The following SLC43A1 variants were observed in gnomAD, a reference collection of about 807,000 sequenced individuals.
SLC43A1 encodes large neutral amino acids transporter small subunit 3.
SLC43A1 carries 31 observed loss-of-function variants against 59.5 expected under a neutral mutation model. The observed-to-expected ratio is 0.52, with a 90% CI of 0.39 to 0.70. The LOEUF (loss-of-function observed/expected upper bound fraction) is 0.70. SLC43A1 is among the 30% of genes least tolerant of loss of function. SLC43A1 has a pLI of 0.00. For synonymous variants in SLC43A1, 259 were observed against 290.9 expected, an observed-to-expected ratio of 0.89 and a Z score of 1.12; for missense variants, 598 against 717.8, an observed-to-expected ratio of 0.83 and a Z score of 1.91.
At position 57,487,100 on chromosome 11, in the gene SLC43A1, A is replaced by C; in HGVS notation, c.1528T>G (p.Phe510Val). 1.2e-6 allele frequency: 2 copies of C among 1,613,940 alleles called. No individual in the cohort carries two copies. The highest frequency in any genetic ancestry group is 1.7e-6 in the Non-Finnish European group (2 of 1,179,980). Residue 510 changes from phenylalanine to valine, a missense_variant, in exon 14 of 15, where the codon TTC becomes GTC. Transcript: ENST00000278426. ...AMVGPLKGEP[F>V]WVNLGLLLFS... ...ACACCAACCCTCGCTCTCACCCAGA[A>C]GGGCTCTCCTTTCAGGGGTCCCACC...
chr11:57,487,867 A>T (rs1405045776), intron 13 of SLC43A1, among the ~76,000 whole-genome samples: 2 of 152,096 alleles, frequency 1.3e-5, no homozygotes, highest in African/African-American at 4.8e-5. Context: ...AGAAACAGGG[A>T]CTAGTACATG....
Position 57,487,180 on chromosome 11 carries a change from T to C in SLC43A1, c.1448A>G (p.Gln483Arg). The part of the protein sequence containing the change: ...SNHFGTLTGL[Q>R]SLISAVFALL... ...GGCGAACACAGCACTGATGAGGGAC[T>C]GCAGGCCTGTCAGCGTCCCAAAGTG... Residue 483 changes from glutamine (Q) to arginine (R), a missense_variant, in exon 14 of 15, where the codon CAG (glutamine) becomes CGG (arginine). Coordinates refer to ENST00000278426, the MANE Select transcript of SLC43A1 (RefSeq NM_003627.6). 6.2e-7 allele frequency: 1 copy of C among 1,614,002 alleles called. No homozygotes were observed. The highest frequency in any genetic ancestry group is 8.5e-7 in the Non-Finnish European group (1 of 1,179,910).
At chr11:57,506,640 A>T (rs1451802495) in intron 2 of SLC43A1, among the ~76,000 whole-genome samples, 1 of 152,180 alleles carries the variant, frequency 6.6e-6, no homozygotes, top group Non-Finnish European at 1.5e-5. Flanking sequence ...GGACATCCAC[A>T]CTATTCCCAT....
In SLC43A1 at chr11:57,485,319, G is replaced by A. The variant is rs1376919358; in HGVS notation, c.1534-77C>T. On this transcript the variant is annotated intron_variant, in intron 14 of 14. Transcript: ENST00000278426. ...AGCCTCCCACAGGGAGGAGAAGGCGGCCATTTTTCTCCAGGTCCTGAGCCA... is the reference window on the plus strand; with the variant it reads ...AGCCTCCCACAGGGAGGAGAAGGCGACCATTTTTCTCCAGGTCCTGAGCCA... 1.1e-5 allele frequency: 15 copies of A among 1,422,304 alleles called. No homozygotes were observed. In the Middle Eastern group the frequency reaches 5.5e-4, roughly 52 times the overall value. The allele number at this position is 1,422,304 out of a possible 1,614,324, so 88.1% of individuals were successfully genotyped here.
In SLC43A1 at chr11:57,489,376, T is replaced by C; in HGVS notation, c.1210A>G (p.Lys404Glu). Residue 404 changes from lysine to glutamate, a missense_variant, in exon 12 of 15, where the codon AAA becomes GAA. Lys to Glu is a moderately conservative substitution (Grantham distance 56). Transcript: ENST00000278426. ...TTGCAGTAGCGTGGTCTGATGGATT[T>C]GGTAGCAACCCCGTCCCTGAGGAGT... ...LGDARDGVAT[K>E]SIRPRYCKIQ... is the part of the protein sequence containing the mutation. The C allele has an allele frequency of 6.2e-7, 1 of 1,614,190 alleles. No homozygotes were observed. The highest frequency in any genetic ancestry group is 8.5e-7 in the Non-Finnish European group (1 of 1,180,038).
chr11:57,498,457 A>C (rs926237803), intron 5 of SLC43A1, among the ~76,000 whole-genome samples: 2 of 152,102 alleles, frequency 1.3e-5, no homozygotes, highest in African/African-American at 4.8e-5. Context: ...CCAAAAAAAA[A>C]GAAAAGAAAA....
chr11:57,489,304 G>A lies in SLC43A1; in HGVS notation c.1282C>T (p.Leu428=), dbSNP rs1346087498. The A allele has an allele frequency of 6.2e-7, 1 of 1,614,108 alleles. No homozygotes were observed. Residue 428 remains leucine, a synonymous_variant, in exon 12 of 15, where the codon CTG becomes TTG. Coordinates refer to ENST00000278426, the MANE Select transcript of SLC43A1 (RefSeq NM_003627.6). ...NAISAFTLTN[L]LLVGFGITCL... is the part of the protein sequence containing the mutation. ...GTGATGCCAAAACCCACAAGCAGCA[G>A]GTTGGTCAGGGTGAAGGCACTGATG...
chr11:57,514,749 G>T lies in SLC43A1; in HGVS notation c.-13-625C>A. On this transcript the variant is annotated intron_variant, in intron 1 of 14. Transcript: ENST00000278426. This position sits in a 1 kb window ranked among gnomAD's most constrained non-coding sequence, Gnocchi z 5.5. ...GGAGACCCAGGACGGGCTCTCCTCG[G>T]TTCCCTCCTCCCCCGCGCGCCCCTC... 1.1e-6 allele frequency: 1 copy of T among 909,732 alleles called. No homozygotes were observed. Among genetic ancestry groups the T allele is most frequent in the Non-Finnish European group, 1.3e-6 (1 of 760,848 alleles). The allele number at this position is 909,732 out of a possible 1,614,324, so 56.4% of individuals were successfully genotyped here.
At chr11:57,494,771 A>G (rs1944027700) in intron 7 of SLC43A1, among the ~76,000 whole-genome samples, 4 of 151,876 alleles carry the variant, frequency 2.6e-5, no homozygotes, top group Admixed American at 2.6e-4. Context: ...ACCACATGGC[A>G]TCGAGTGCCA....
intron 13 of SLC43A1, among the ~76,000 whole-genome samples, chr11:57,487,912 C>T (rs1452112437): frequency 1.3e-5 from 2 of 152,106 alleles, no homozygotes; most frequent in Non-Finnish European, 1.5e-5. Context: ...CTTGAGACTT[C>T]CGGAGCACTA....
intron 5 of SLC43A1, among the ~76,000 whole-genome samples, chr11:57,499,218 G>A (rs1170937366): frequency 6.6e-6 from 1 of 151,934 alleles, no homozygotes; most frequent in African/African-American, 2.4e-5. Context: ...CAGCTACTCG[G>A]GAGGCTGAGG....
chr11:57,501,475 G>T (rs538770572), intron 2 of SLC43A1, 146 bp from the exon 3 acceptor site: 49 of 741,708 alleles, frequency 6.6e-5, no homozygotes, highest in South Asian at 4.7e-4. Flanking sequence ...CTCTGATGGG[G>T]CTGCTCCAGA....
rs1224181934 is a variant in SLC43A1, at chr11:57,493,883, T to C, written c.871+110A>G. The C allele has an allele frequency of 3.9e-6, 4 of 1,026,532 alleles. No individual in the cohort carries two copies. The Admixed American group carries it at 9.8e-5, about 25-fold the overall frequency. The allele number at this position is 1,026,532 out of a possible 1,614,324, so 63.6% of individuals were successfully genotyped here. ...CATGCCCCACCTACATCATGGGGTG[T>C]TGTAAGGACTGAAGAGGGGTGCGAA... On this transcript the variant is annotated intron_variant, in intron 8 of 14. Transcript: ENST00000278426.
chr11:57,491,174 A>G (rs1943885158), intron 11 of SLC43A1, 50 bp downstream of exon 11: 1 of 1,472,292 alleles, frequency 6.8e-7, no homozygotes, highest in Non-Finnish European at 9.0e-7. Flanking sequence ...GAGAAAATGA[A>G]AAGCACTGCC....
At chr11:57,507,939 G>C (rs1045158311) in intron 2 of SLC43A1, among the ~76,000 whole-genome samples, 1 of 152,164 alleles carries the variant, frequency 6.6e-6, no homozygotes, top group South Asian at 2.1e-4. Context: ...TGGATTACTA[G>C]TCCCATTTTA....
intron 14 of SLC43A1, 99 bp from the exon 15 acceptor site, chr11:57,485,341 G>C: frequency 8.7e-7 from 1 of 1,154,730 alleles, no homozygotes; most frequent in Non-Finnish European, 1.2e-6. Context: ...CAGGTCCTGA[G>C]CCAGAATAAA....
At chr11:57,489,648 G>A (rs978945081) in intron 11 of SLC43A1, among the ~76,000 whole-genome samples, 3 of 152,140 alleles carry the variant, frequency 2.0e-5, no homozygotes, top group Non-Finnish European at 2.9e-5. Context: ...GCCTCATCTC[G>A]GCCCTCAGAA....
At chr11:57,501,126 C>T (rs112531913) in intron 3 of SLC43A1, 26 bp downstream of exon 3, 52,431 of 1,612,836 alleles carry the variant, frequency 0.033, 989 homozygotes, top group Non-Finnish European at 0.04. Context: ...CCTGTCCTCC[C>T]GTTCCCCATA....
chr11:57,509,272 A>G (rs867780803), intron 2 of SLC43A1, among the ~76,000 whole-genome samples: 4 of 152,028 alleles, frequency 2.6e-5, no homozygotes, highest in South Asian at 4.1e-4. Flanking sequence ...GGATCTAACT[A>G]TAAGAGCTAA....
Sources: gnomAD v4.1 joint callset for allele counts (sites outside exome capture counted in the v4.1 genomes callset) on GRCh38, gnomAD v4.1.1 for gene constraint, Gnocchi (gnomAD v3.1) non-coding constraint, MANE v1.5 for transcripts, NCBI Gene and HGNC (gene_info 2026-07-23, HGNC 2026-07-21) for gene names.